SCN3A: variants seen among roughly 807,000 people sequenced by gnomAD.
The protein encoded by SCN3A is sodium voltage-gated channel alpha subunit 3, also known as sodium channel protein type 3 subunit alpha.
SCN3A carries 60 observed loss-of-function variants against 187.6 expected under a neutral mutation model. That is an observed-to-expected ratio of 0.32 (90% confidence interval 0.26 to 0.40). The LOEUF is 0.40. Ranked by LOEUF, SCN3A falls within the 10% of genes least tolerant of loss-of-function variation. SCN3A has a pLI of 1.00. For synonymous variants in SCN3A, 788 were observed against 829.2 expected (o/e 0.95, Z 0.85); for missense variants, 1,601 against 2,428.2 (o/e 0.66, Z 7.16).
intron 2 of SCN3A, among the ~76,000 whole-genome samples, chr2:165,180,069 A>T (rs1211206885): frequency 6.6e-6 from 1 of 152,178 alleles, no homozygotes; most frequent in Admixed American, 6.5e-5. Flanking sequence ...AAATCTTAGG[A>T]GATGATCTCT....
Position 165,137,594 on chromosome 2 carries a change from T to C in SCN3A, c.2391+285A>G, listed in dbSNP as rs1687744008. On this transcript the variant is annotated intron_variant, in intron 15 of 27. Transcript: ENST00000283254. ...CCAGTATTAGATCTCCTGGTTTATCTGGACCCACATTTCCAGCAAGAACAA... is the reference window on the plus strand; with the variant it reads ...CCAGTATTAGATCTCCTGGTTTATCCGGACCCACATTTCCAGCAAGAACAA... Among the ~76,000 whole-genome samples, 7 of 152,162 alleles carry C rather than the reference T, an allele frequency of 4.6e-5. 1 individual carries two copies. The highest frequency in any genetic ancestry group is 4.6e-4 in the Admixed American group (7 of 15,252).
At chr2:165,136,329 A>G (rs1266822953) in intron 15 of SCN3A, among the ~76,000 whole-genome samples, 1 of 152,038 alleles carries the variant, frequency 6.6e-6, no homozygotes, top group Admixed American at 6.6e-5. Context: ...AAATACAAGA[A>G]CTACACCAGA....
At chr2:165,187,542 A>G (rs1691320543) in intron 1 of SCN3A, among the ~76,000 whole-genome samples, 1 of 152,326 alleles carries the variant, frequency 6.6e-6, no homozygotes, top group East Asian at 1.9e-4. Flanking sequence ...ACTTACCATA[A>G]CAAAAAAACA....
chr2:165,091,158 G>A lies in SCN3A; in HGVS notation c.4995C>T (p.Val1665=), dbSNP rs570456314. 3 of 1,614,080 alleles carry A rather than the reference G, an allele frequency of 1.9e-6. No individual in the cohort carries two copies. The highest frequency in any genetic ancestry group is 2.2e-5 in the South Asian group (2 of 91,070). Residue 1665 remains valine (V), a synonymous_variant, in exon 28 of 28, where the codon GTC becomes GTT. Coordinates refer to ENST00000283254, the MANE Select transcript of SCN3A (RefSeq NM_006922.4). ...TCCCAAAGATGGCATAGATAAACAT[G>A]ACCAGGAAGAGCAGGAGGCCGATGT... ...LFNIGLLLFL[V]MFIYAIFGMS...
rs773874886 is a variant in SCN3A at position 165,094,505 on chromosome 2, C to A, written c.4432-27G>T. On this transcript the variant is annotated intron_variant, in intron 25 of 27. Transcript: ENST00000283254. ...TAAAGACATAGTATAAAACTGGTTA[C>A]AATTCTGTGTTCCAATAGTACTTTC... 4.1e-6 allele frequency: 6 copies of A among 1,465,724 alleles called. No homozygotes were observed. The East Asian group carries it at 1.4e-4, about 33-fold the overall frequency. 90.8% of individuals were successfully genotyped at this position (1,465,724 alleles called of 1,614,324 possible).
intron 21 of SCN3A, among the ~76,000 whole-genome samples, chr2:165,111,481 T>A (rs1390102871): frequency 8.2e-6 from 1 of 122,038 alleles, no homozygotes; most frequent in African/African-American, 3.1e-5. Context: ...GATGCCAGTC[T>A]GATACACACA....
chr2:165,129,874 C>T, intron 17 of SCN3A, 66 bp downstream of exon 17: 1 of 1,594,152 alleles, frequency 6.3e-7, no homozygotes, highest in Non-Finnish European at 8.6e-7. Flanking sequence ...TTTACTACAT[C>T]TGGCCACGTT....
intron 1 of SCN3A, among the ~76,000 whole-genome samples, chr2:165,198,757 A>G (rs1692135917): frequency 6.6e-6 from 1 of 152,036 alleles, no homozygotes; most frequent in Non-Finnish European, 1.5e-5. Flanking sequence ...TTATTATTTA[A>G]GGTCATGACC....
At chr2:165,174,375 T>C (rs557811896) in intron 3 of SCN3A, among the ~76,000 whole-genome samples, 1 of 152,172 alleles carries the variant, frequency 6.6e-6, no homozygotes, top group Non-Finnish European at 1.5e-5. Flanking sequence ...CCTAATCAAA[T>C]GATGTGGAAT....
chr2:165,182,133 G>A (rs903543127), intron 2 of SCN3A, among the ~76,000 whole-genome samples: 6 of 152,154 alleles, frequency 3.9e-5, no homozygotes, highest in African/African-American at 7.2e-5. Context: ...GTATTATTAC[G>A]AAAGTAGTTT....
intron 11 of SCN3A, among the ~76,000 whole-genome samples, chr2:165,153,637 A>G (rs539951545): frequency 7.9e-5 from 12 of 152,246 alleles, no homozygotes; most frequent in African/African-American, 2.6e-4. Flanking sequence ...AAGGTGCTCA[A>G]CATTAGTAAT....
intron 1 of SCN3A, among the ~76,000 whole-genome samples, chr2:165,196,257 A>C (rs1295463119): frequency 6.6e-6 from 1 of 152,008 alleles, no homozygotes. Flanking sequence ...ACACACATTC[A>C]TCATAACCCT....
intron 21 of SCN3A, among the ~76,000 whole-genome samples, chr2:165,102,678 C>T (rs1320501672): frequency 6.6e-6 from 1 of 152,174 alleles, no homozygotes; most frequent in African/African-American, 2.4e-5. Context: ...AATGAAGCTA[C>T]ACTTATTTTA....
chr2:165,131,994 TC>T (rs1289825585), intron 15 of SCN3A, among the ~76,000 whole-genome samples: 4 of 151,982 alleles, frequency 2.6e-5, no homozygotes, highest in African/African-American at 9.7e-5. Context: ...CTTAATCCAG[TC>T]TATCATTGTT....
At chr2:165,114,357 T>C (rs1444001996) in intron 19 of SCN3A, among the ~76,000 whole-genome samples, 1 of 152,220 alleles carries the variant, frequency 6.6e-6, no homozygotes, top group Non-Finnish European at 1.5e-5. Context: ...TTTAATTCTT[T>C]TCATGCACAC....
At position 165,115,469 on chromosome 2, in the gene SCN3A, G is replaced by C; in HGVS notation, c.3500C>G (p.Ala1167Gly). ...AGCTTGTTTACCTTCAGTAAAACAA[G>C]CTTCCGGTTTAAGGTCTTCTTCGGG... ...TEPEEDLKPE[A>G]CFTEGCIKKF... Residue 1167 changes from alanine (A) to glycine (G), a missense_variant, in exon 19 of 28, where the codon GCT (alanine) becomes GGT (glycine). Coordinates refer to ENST00000283254, the MANE Select transcript of SCN3A (RefSeq NM_006922.4). The C allele has an allele frequency of 6.2e-7, 1 of 1,613,626 alleles. No individual in the cohort carries two copies. The highest frequency in any genetic ancestry group is 8.5e-7 in the Non-Finnish European group (1 of 1,179,908).
chr2:165,137,982 T>A lies in SCN3A; in HGVS notation c.2288A>T (p.Asp763Val). 6.2e-7 allele frequency: 1 copy of A among 1,613,454 alleles called. No individual in the cohort carries two copies. Among genetic ancestry groups the A allele is most frequent in the Non-Finnish European group, 8.5e-7 (1 of 1,179,570 alleles). ...VNLIVMDPFVDLAITICIVLN... is the reference protein window; with the variant it reads ...VNLIVMDPFVVLAITICIVLN... Reference sequence around the variant, plus strand: ...GACAATGCAAATAGTGATGGCAAGATCAACAAATGGATCCATAACAATTAA... The same window carrying A: ...GACAATGCAAATAGTGATGGCAAGAACAACAAATGGATCCATAACAATTAA... The change falls in exon 15 of 28, where the codon GAT becomes GTT. Residue 763 changes from aspartate (D) to valine (V), a missense_variant. Asp to Val is a radical substitution (Grantham distance 152). This residue lies in a region of SCN3A where 376 missense variants were observed against 476.0 expected (regional missense o/e 0.79). Coordinates refer to ENST00000283254, the MANE Select transcript of SCN3A (RefSeq NM_006922.4).
chr2:165,106,367 TTTG>T (rs1382623282), intron 21 of SCN3A, among the ~76,000 whole-genome samples: 2 of 152,200 alleles, frequency 1.3e-5, no homozygotes, highest in African/African-American at 4.8e-5. Flanking sequence ...TCAAAGTATC[TTTG>T]TTAATAGATG....
chr2:165,116,363 C>T (rs1686368019), intron 18 of SCN3A, among the ~76,000 whole-genome samples: 1 of 152,130 alleles, frequency 6.6e-6, no homozygotes, highest in Non-Finnish European at 1.5e-5. Context: ...TTGTGACATG[C>T]CACATGGCTA....
Sources: gnomAD v4.1 joint callset for allele counts (sites outside exome capture counted in the v4.1 genomes callset) on GRCh38, gnomAD v4.1.1 for gene constraint, gnomAD v4.1.1 regional missense constraint, MANE v1.5 for transcripts, NCBI Gene and HGNC (gene_info 2026-07-23, HGNC 2026-07-21) for gene names.